USP34: variants seen among roughly 807,000 people sequenced by gnomAD.
The protein encoded by USP34 is ubiquitin specific peptidase 34, also known as ubiquitin carboxyl-terminal hydrolase 34.
In USP34, 70 loss-of-function variants were observed where a neutral mutation model predicts 460.3. That is an observed-to-expected ratio of 0.15 (90% CI 0.13 to 0.19). The LOEUF is 0.19. Ranked by LOEUF, USP34 falls within the 10% of genes least tolerant of loss-of-function variation. USP34 has a pLI of 1.00. For missense variants in USP34, 3,985 were observed against 4,236.2 expected, an observed-to-expected ratio of 0.94 and a Z score of 1.65; for synonymous variants, 1,647 against 1,405.3, an observed-to-expected ratio of 1.17 and a Z score of -3.85.
chr2:61,214,827 G>C (rs1687354795), intron 67 of USP34, 133 bp from the exon 68 acceptor site: 1 of 1,036,158 alleles, frequency 9.7e-7, no homozygotes, highest in Non-Finnish European at 1.3e-6. Flanking sequence ...ATCTCTTTTA[G>C]TATCTTTCTG....
At chr2:61,425,630 G>C (rs1332861554) in intron 1 of USP34, among the ~76,000 whole-genome samples, 2 of 152,162 alleles carry the variant, frequency 1.3e-5, no homozygotes, top group African/African-American at 4.8e-5. Context: ...CCTCACCATG[G>C]AGGGCTACAG....
rs1329486340 is a variant in USP34, at chr2:61,378,234, G to A, written c.1076+129C>T. The stretch of plus-strand genomic sequence containing the variant: ...CATAATGTTCTGAAAGCTTCATGAA[G>A]AACTGTACACAATGTCAAAGGGCAA... On this transcript the variant is annotated intron_variant, in intron 8 of 79. Coordinates refer to ENST00000398571, the MANE Select transcript of USP34 (RefSeq NM_014709.4). 4 of 636,788 alleles carry A rather than the reference G, an allele frequency of 6.3e-6. No homozygotes were observed. The Admixed American group carries it at 1.0e-4, about 16-fold the overall frequency. The allele number at this position is 636,788 out of a possible 1,614,324, so 39.4% of individuals were successfully genotyped here. A position where few individuals can be genotyped will look rare whatever the true frequency, so the allele number is the denominator to read the frequency against.
intron 33 of USP34, 74 bp from the exon 34 acceptor site, chr2:61,288,951 A>G: frequency 6.9e-7 from 1 of 1,452,804 alleles, no homozygotes; most frequent in Non-Finnish European, 9.4e-7. Context: ...TTTGAAATTA[A>G]AAGACCAGAA....
intron 6 of USP34, among the ~76,000 whole-genome samples, chr2:61,381,628 T>C (rs1692978258): frequency 6.6e-6 from 1 of 152,210 alleles, no homozygotes; most frequent in Non-Finnish European, 1.5e-5. Flanking sequence ...TGAGCCACCA[T>C]GCCTGGCTGG....
chr2:61,469,497 T>G (rs1695883221), intron 1 of USP34, among the ~76,000 whole-genome samples: 2 of 152,218 alleles, frequency 1.3e-5, no homozygotes, highest in African/African-American at 4.8e-5. Context: ...CAAAAGCCTA[T>G]TCCACCTATC....
In USP34 at chr2:61,248,688, G is replaced by C. The variant is rs1393750584; in HGVS notation, c.6222-5C>G. ...GGCAATTTCTTAAAACATGCCCTGA[G>C]AGACAAGAAAAAAATTAATAAAGAT... On this transcript the variant is annotated splice_region_variant and splice_polypyrimidine_tract_variant and intron_variant, in intron 48 of 79. Transcript: ENST00000398571. The C allele has an allele frequency of 1.9e-6, 3 of 1,545,256 alleles. No individual in the cohort carries two copies. The highest frequency in any genetic ancestry group is 2.6e-6 in the Non-Finnish European group (3 of 1,142,664).
intron 65 of USP34, 157 bp from the exon 66 acceptor site, chr2:61,221,763 A>G: frequency 1.7e-6 from 1 of 583,902 alleles, no homozygotes. Context: ...ACTACCATAA[A>G]GCAGCAGGAT....
Position 61,256,863 on chromosome 2 carries a change from T to G in USP34, c.6126+10A>C. ...CATAAAGTAAAAAAATTATGTGCATTATTACTCACATAAATGTTCTTCATA... is the reference window on the plus strand; with the variant it reads ...CATAAAGTAAAAAAATTATGTGCATGATTACTCACATAAATGTTCTTCATA... On this transcript the variant is annotated intron_variant, in intron 47 of 79. Transcript: ENST00000398571. 1 of 1,554,412 alleles carries G rather than the reference T, an allele frequency of 6.4e-7. No homozygotes were observed. Among genetic ancestry groups the G allele is most frequent in the Non-Finnish European group, 8.7e-7 (1 of 1,155,894 alleles).
chr2:61,193,128 C>A, intron 75 of USP34, 148 bp from the exon 76 acceptor site: 1 of 616,448 alleles, frequency 1.6e-6, no homozygotes, highest in South Asian at 2.4e-5. Flanking sequence ...AAAATTCATT[C>A]CAATGTTTAG....
chr2:61,295,064 T>A (rs779599883), intron 31 of USP34, 32 bp from the exon 32 acceptor site: 9 of 1,604,646 alleles, frequency 5.6e-6, no homozygotes, highest in Non-Finnish European at 7.6e-6. Flanking sequence ...TAAGGCAGAA[T>A]GGCGGAAGAA....
intron 62 of USP34, among the ~76,000 whole-genome samples, chr2:61,225,583 TAA>T (rs903285516): frequency 6.7e-6 from 1 of 148,590 alleles, no homozygotes; most frequent in East Asian, 2.0e-4. Context: ...TGGAAACCAT[TAA>T]AAAAAAAAGT....
chr2:61,269,323 A>ATTT (rs397869885), intron 41 of USP34, among the ~76,000 whole-genome samples: 4 of 135,022 alleles, frequency 3.0e-5, no homozygotes, highest in Non-Finnish European at 4.7e-5. Context: ...ACCTTGGCTA[A>ATTT]TTTTTTTTTT....
chr2:61,267,880 A>G (rs1175344686), intron 41 of USP34, among the ~76,000 whole-genome samples: 10 of 152,200 alleles, frequency 6.6e-5, no homozygotes, highest in African/African-American at 1.9e-4. Flanking sequence ...TCGGCCTCCC[A>G]AAGTGCTGGG....
chr2:61,393,611 C>T (rs1042182762), intron 5 of USP34, among the ~76,000 whole-genome samples: 1 of 152,094 alleles, frequency 6.6e-6, no homozygotes, highest in African/African-American at 2.4e-5. Context: ...CTGCAAAGCA[C>T]ACAGCATTGG....
At position 61,394,967 on chromosome 2, in the gene USP34, T is replaced by C. The variant is rs939053909; in HGVS notation, c.639A>G (p.Val213=). ...GGCCATTTTTCCCACAAAACAAACATACATAACGAAGCAAATGCAATGGTA... is the reference window on the plus strand; with the variant it reads ...GGCCATTTTTCCCACAAAACAAACACACATAACGAAGCAAATGCAATGGTA... ...VEVPLHLLRY[V]CLFCGKNGLS... Residue 213 remains valine (V), a synonymous_variant, in exon 5 of 80, where the codon GTA becomes GTG. Coordinates refer to ENST00000398571, the MANE Select transcript of USP34 (RefSeq NM_014709.4). The C allele has an allele frequency of 9.4e-6, 15 of 1,603,986 alleles. No individual in the cohort carries two copies. The highest frequency in any genetic ancestry group is 1.3e-5 in the African/African-American group (1 of 74,510).
At chr2:61,441,206 T>C (rs548331395) in intron 1 of USP34, among the ~76,000 whole-genome samples, 2 of 151,096 alleles carry the variant, frequency 1.3e-5, no homozygotes, top group South Asian at 2.1e-4. Flanking sequence ...CTTGCGATCA[T>C]AGCTCACTGT....
chr2:61,459,095 T>C (rs1695522289), intron 1 of USP34, among the ~76,000 whole-genome samples: 1 of 152,106 alleles, frequency 6.6e-6, no homozygotes, highest in Non-Finnish European at 1.5e-5. Context: ...TCTTGCCTAA[T>C]CCACTTTAGC....
At chr2:61,373,402 C>G (rs574899663) in intron 8 of USP34, among the ~76,000 whole-genome samples, 8 of 149,644 alleles carry the variant, frequency 5.3e-5, no homozygotes, top group Non-Finnish European at 7.4e-5. Flanking sequence ...TATGCTACCC[C>G]CAAGACATAC....
At chr2:61,212,184 G>A (rs1323161533) in intron 68 of USP34, among the ~76,000 whole-genome samples, 1 of 152,066 alleles carries the variant, frequency 6.6e-6, no homozygotes, top group Non-Finnish European at 1.5e-5. Flanking sequence ...ACCAGCCAGG[G>A]CAACATGATG....
Sources: gnomAD v4.1 joint callset for allele counts (sites outside exome capture counted in the v4.1 genomes callset) on GRCh38, gnomAD v4.1.1 for gene constraint, MANE v1.5 for transcripts, NCBI Gene and HGNC (gene_info 2026-07-23, HGNC 2026-07-21) for gene names.